Variants in RAD50 observed in about 807,000 individuals in gnomAD.
RAD50 encodes DNA repair protein RAD50.
In RAD50, 132 loss-of-function variants were observed where a neutral mutation model predicts 168.8. That is an observed-to-expected ratio of 0.78 (90% CI 0.68 to 0.90). RAD50 has a LOEUF of 0.90. Ranked by LOEUF, RAD50 falls within the 40% of genes least tolerant of loss-of-function variation. The pLI, the probability that RAD50 is intolerant of heterozygous loss-of-function variation, is 0.00. For synonymous variants in RAD50, 525 were observed against 497.4 expected, an observed-to-expected ratio of 1.06 and a Z score of -0.74; for missense variants, 1,347 against 1,534.4, an observed-to-expected ratio of 0.88 and a Z score of 2.04.
chr5:132,563,412 CTT>C (rs1425277745), intron 2 of RAD50, among the ~76,000 whole-genome samples: 1 of 152,148 alleles, frequency 6.6e-6, no homozygotes, highest in African/African-American at 2.4e-5. Context: ...AGTAAGTTCT[CTT>C]TTGATTGCTT....
chr5:132,582,634 GT>G (rs561576260), intron 5 of RAD50, among the ~76,000 whole-genome samples: 84 of 152,016 alleles, frequency 5.5e-4, no homozygotes, highest in African/African-American at 2.0e-3. Context: ...ACTTAGATCT[GT>G]TTTCCTTTCT....
At chr5:132,564,971 G>A (rs943846703) in intron 2 of RAD50, among the ~76,000 whole-genome samples, 2 of 152,198 alleles carry the variant, frequency 1.3e-5, no homozygotes, top group African/African-American at 4.8e-5. Flanking sequence ...GTATGGAAAC[G>A]TCTGGATGTC....
chr5:132,582,402 A>AGTCT (rs1750519303), intron 5 of RAD50, among the ~76,000 whole-genome samples: 1 of 146,098 alleles, frequency 6.8e-6, no homozygotes, highest in Non-Finnish European at 1.5e-5. Context: ...TGACTTCCAA[A>AGTCT]GTCCTTTTTT....
chr5:132,587,005 TC>T (rs1750605686), intron 5 of RAD50, among the ~76,000 whole-genome samples: 1 of 152,122 alleles, frequency 6.6e-6, no homozygotes, highest in African/African-American at 2.4e-5. Flanking sequence ...CCGAACCAGA[TC>T]CCAGTATTCC....
chr5:132,579,729 G>A, intron 4 of RAD50, 133 bp from the exon 5 acceptor site: 1 of 911,248 alleles, frequency 1.1e-6, no homozygotes, highest in Non-Finnish European at 1.7e-6. Flanking sequence ...TTACCATTAT[G>A]TCATAGGCAT....
intron 23 of RAD50, among the ~76,000 whole-genome samples, chr5:132,639,739 C>T (rs934209720): frequency 3.3e-5 from 5 of 152,164 alleles, no homozygotes; most frequent in Admixed American, 2.0e-4. Flanking sequence ...GCTCTAGCAG[C>T]CAGCCAGGGG....
intron 20 of RAD50, among the ~76,000 whole-genome samples, chr5:132,616,739 G>C (rs1464974431): frequency 6.6e-6 from 1 of 152,150 alleles, no homozygotes; most frequent in African/African-American, 2.4e-5. Flanking sequence ...GCACTAGACT[G>C]GTATAAAAGG....
intron 23 of RAD50, 112 bp from the exon 24 acceptor site, chr5:132,640,560 A>T (rs1253890311): frequency 6.9e-7 from 1 of 1,449,472 alleles, no homozygotes; most frequent in Non-Finnish European, 9.7e-7. Flanking sequence ...CCTAACAGTG[A>T]ACCTGTGACG....
intron 21 of RAD50, among the ~76,000 whole-genome samples, chr5:132,619,865 TATAAAG>T (rs1751252457): frequency 2.3e-5 from 3 of 128,560 alleles, no homozygotes; most frequent in South Asian, 2.4e-4. Context: ...GATATATATA[TATAAAG>T]ATATATATAT....
At chr5:132,624,193 T>C (rs959947684) in intron 21 of RAD50, among the ~76,000 whole-genome samples, 5 of 152,224 alleles carry the variant, frequency 3.3e-5, no homozygotes, top group African/African-American at 9.6e-5. Flanking sequence ...CATAGAATTA[T>C]ATGCCTGCAC....
At chr5:132,598,936 T>A (rs373078770) in intron 13 of RAD50, among the ~76,000 whole-genome samples, 2 of 152,308 alleles carry the variant, frequency 1.3e-5, no homozygotes, top group African/African-American at 4.8e-5. Context: ...GGGAAGAGTG[T>A]CGAAGTACTT....
chr5:132,575,460 T>C lies in RAD50; in HGVS notation c.214-317T>C, dbSNP rs112652152. On this transcript the variant is annotated intron_variant, in intron 2 of 24. Coordinates refer to ENST00000378823, the MANE Select transcript of RAD50 (RefSeq NM_005732.4). ...GAGACAAAGACAAACCAAATCATTC[T>C]ACCTTTCTATAAACTTGCAATTTTT... Among the ~76,000 whole-genome samples the C allele has an allele frequency of 7.5e-3, 1,143 of 152,330 alleles. 16 individuals are homozygous for C. The highest frequency in any genetic ancestry group is 0.025 in the African/African-American group (1,049 of 41,564).
intron 21 of RAD50, among the ~76,000 whole-genome samples, chr5:132,636,779 GA>G (rs1004590850): frequency 1.3e-5 from 2 of 152,040 alleles, no homozygotes; most frequent in African/African-American, 2.4e-5. Context: ...CACGGCCTAA[GA>G]AAAAAGTCTA....
intron 3 of RAD50, among the ~76,000 whole-genome samples, chr5:132,578,900 C>G (rs558723285): frequency 6.6e-6 from 1 of 152,124 alleles, no homozygotes; most frequent in Non-Finnish European, 1.5e-5. Context: ...CTCTGCTCAC[C>G]AGAGCAGTCT....
At position 132,587,626 on chromosome 5, in the gene RAD50, C is replaced by G. The variant is rs587781947; in HGVS notation, c.821C>G (p.Ala274Gly). 2.5e-6 allele frequency: 4 copies of G among 1,613,506 alleles called. No individual in the cohort carries two copies. The highest frequency in any genetic ancestry group is 1.7e-5 in the Admixed American group (1 of 59,984). The change falls in exon 6 of 25, where the codon GCC (alanine) becomes GGC (glycine). Residue 274 changes from alanine to glycine, a missense_variant. Physicochemically the swap from Ala to Gly is moderately conservative, Grantham distance 60. Around this residue, in one of 3 missense-constraint regions of RAD50, gnomAD observed 703 missense variants for 767.7 expected, o/e 0.92. Coordinates refer to ENST00000378823, the MANE Select transcript of RAD50 (RefSeq NM_005732.4). ...ATGAAACTTGACAATGAAATTAAAG[C>G]CTTGGATAGCCGAAAGAAGCAAATG... ...KIMKLDNEIK[A>G]LDSRKKQMEK...
chr5:132,617,961 T>C, intron 20 of RAD50, 109 bp from the exon 21 acceptor site: 2 of 931,412 alleles, frequency 2.1e-6, no homozygotes, highest in Non-Finnish European at 3.5e-6. Flanking sequence ...AATATACTGA[T>C]TGCTAAGGAG....
At chr5:132,560,067 CACACACACACAT>C (rs1393085283) in intron 2 of RAD50, among the ~76,000 whole-genome samples, 11 of 150,256 alleles carry the variant, frequency 7.3e-5, no homozygotes, top group Non-Finnish European at 1.3e-4. Flanking sequence ...CACACACACA[CACACACACACAT>C]ATATATATAG....
At chr5:132,614,676 AT>A (rs1318250571) in intron 19 of RAD50, among the ~76,000 whole-genome samples, 1 of 151,758 alleles carries the variant, frequency 6.6e-6, no homozygotes, top group Non-Finnish European at 1.5e-5. Flanking sequence ...TTAAATTTGT[AT>A]TTTTTTATTG....
intron 21 of RAD50, among the ~76,000 whole-genome samples, chr5:132,625,352 C>T (rs1195046901): frequency 3.3e-5 from 5 of 152,106 alleles, no homozygotes; most frequent in Admixed American, 2.6e-4. Context: ...TCCCAAAGTG[C>T]TGGGATTACA....
Sources: gnomAD v4.1 joint callset for allele counts (sites outside exome capture counted in the v4.1 genomes callset) on GRCh38, gnomAD v4.1.1 for gene constraint, gnomAD v4.1.1 regional missense constraint, MANE v1.5 for transcripts, NCBI Gene and HGNC (gene_info 2026-07-23, HGNC 2026-07-21) for gene names.